XPC: variants seen among roughly 807,000 people sequenced by gnomAD.
The protein encoded by XPC is DNA repair protein complementing XP-C cells.
XPC carries 76 observed loss-of-function variants against 95.8 expected under a neutral mutation model. That is an observed-to-expected ratio of 0.79 (90% CI 0.66 to 0.96). The LOEUF (loss-of-function observed/expected upper bound fraction) is 0.96, where lower values mean the gene tolerates loss of function less well. Among genes scored for constraint, XPC ranks in the 40% least tolerant of loss-of-function variants. XPC has a pLI of 0.00. For synonymous variants in XPC, 442 were observed against 442.1 expected (o/e 1.00, Z 0.00); for missense variants, 1,146 against 1,179.8 (o/e 0.97, Z 0.42).
chr3:14,150,790 G>T (rs1307405038), intron 11 of XPC, among the ~76,000 whole-genome samples: 1 of 152,170 alleles, frequency 6.6e-6, no homozygotes, highest in African/African-American at 2.4e-5. Context: ...GGCTTAAAGG[G>T]GCAAGGGGTT....
Position 14,149,005 on chromosome 3 carries a change from G to C in XPC, c.2116-57C>G, listed in dbSNP as rs558618583. ...CAAAGGCATCCAGTTCCTCAGCACC[G>C]GGCCAGGCACCATGCTCAGTGCCGC... On this transcript the variant is annotated intron_variant, in intron 11 of 15. Transcript: ENST00000285021. 6.2e-6 allele frequency: 10 copies of C among 1,603,268 alleles called. No homozygotes were observed. In the African/African-American group the frequency reaches 1.3e-4, roughly 21 times the overall value.
chr3:14,167,862 G>A (rs1385394405), intron 4 of XPC, among the ~76,000 whole-genome samples: 1 of 152,218 alleles, frequency 6.6e-6, no homozygotes, highest in East Asian at 1.9e-4. Context: ...CCTGCAGCAT[G>A]ACATGGTGAG....
intron 7 of XPC, among the ~76,000 whole-genome samples, chr3:14,161,004 T>TGA (rs1696147305): frequency 6.6e-6 from 1 of 152,144 alleles, no homozygotes; most frequent in Non-Finnish European, 1.5e-5. Context: ...GTCACCACCT[T>TGA]TAGTAAGAAA....
chr3:14,168,480 G>A, intron 3 of XPC, 100 bp from the exon 4 acceptor site: 1 of 1,449,836 alleles, frequency 6.9e-7, no homozygotes, highest in Non-Finnish European at 9.4e-7. Context: ...AGGAAGTGAG[G>A]CATGAATGTG....
chr3:14,158,577 T>TC lies in XPC; in HGVS notation c.1305dup (p.Ser436GlufsTer2). 6.2e-7 allele frequency: 1 copy of TC among 1,613,500 alleles called. No individual in the cohort carries two copies. The highest frequency in any genetic ancestry group is 8.5e-7 in the Non-Finnish European group (1 of 1,179,856). ...TCAGAGCCGCTGCCAGCCTCATCAC[T>TC]CCCACTCTCCTCTTTATAAGACACC... On this transcript the variant is annotated frameshift_variant, in exon 9 of 16. Coordinates refer to ENST00000285021, the MANE Select transcript of XPC (RefSeq NM_004628.5). LOFTEE classifies it high-confidence loss of function. This position sits in a 1 kb window ranked among gnomAD's most constrained non-coding sequence, Gnocchi z 5.2.
chr3:14,169,233 A>T (rs1249130005), intron 3 of XPC, among the ~76,000 whole-genome samples: 2 of 152,266 alleles, frequency 1.3e-5, no homozygotes, highest in African/African-American at 4.8e-5. Context: ...ACCTGACATT[A>T]GAGGTGGCTT....
intron 5 of XPC, among the ~76,000 whole-genome samples, chr3:14,166,210 CGACT>C (rs1559380213): frequency 6.6e-6 from 1 of 152,112 alleles, no homozygotes; most frequent in Admixed American, 6.6e-5. Context: ...TCCTCCCCCC[CGACT>C]AACAGCCTCC....
At chr3:14,176,573 T>G (rs1028796751) in intron 1 of XPC, among the ~76,000 whole-genome samples, 1 of 152,248 alleles carries the variant, frequency 6.6e-6, no homozygotes, top group African/African-American at 2.4e-5. Flanking sequence ...AAGATGTTAT[T>G]TGAATGAGTA....
chr3:14,163,338 G>C (rs1184902943), intron 7 of XPC, among the ~76,000 whole-genome samples: 1 of 152,086 alleles, frequency 6.6e-6, no homozygotes, highest in Admixed American at 6.5e-5. Flanking sequence ...ACAGCCACAA[G>C]GTGGAAACTA....
chr3:14,163,592 G>A (rs970553832), intron 7 of XPC, among the ~76,000 whole-genome samples: 1 of 151,810 alleles, frequency 6.6e-6, no homozygotes, highest in Non-Finnish European at 1.5e-5. Context: ...CCACGAGCAG[G>A]GACAGGGGGG....
chr3:14,159,931 C>G, intron 7 of XPC, 101 bp from the exon 8 acceptor site: 1 of 1,180,790 alleles, frequency 8.5e-7, no homozygotes, highest in African/African-American at 1.5e-5. Context: ...CAGGGAAAAG[C>G]TGGAAACAGC....
At chr3:14,169,313 A>T (rs1217174790) in intron 3 of XPC, among the ~76,000 whole-genome samples, 1 of 151,810 alleles carries the variant, frequency 6.6e-6, no homozygotes, top group Admixed American at 6.5e-5. Flanking sequence ...AAGTTTAATC[A>T]AAATTACATG....
intron 2 of XPC, among the ~76,000 whole-genome samples, chr3:14,171,699 G>C (rs1696619392): frequency 6.6e-6 from 1 of 152,122 alleles, no homozygotes; most frequent in South Asian, 2.1e-4. Context: ...AGCTGGGCGT[G>C]GTGGTGGGCA....
Position 14,174,308 on chromosome 3 carries a change from T to C in XPC, c.104-1246A>G, listed in dbSNP as rs141243846. ...AGATTGCCTACTCCAAGGCCAGAGG[T>C]TGCATAAAGCTTAAGATTTGACAGT... On this transcript the variant is annotated intron_variant, in intron 1 of 15. Coordinates refer to ENST00000285021, the MANE Select transcript of XPC (RefSeq NM_004628.5). Among the ~76,000 whole-genome samples the C allele has an allele frequency of 2.9e-3, 437 of 148,928 alleles. 4 individuals are homozygous for C. Among genetic ancestry groups the C allele is most frequent in the African/African-American group, 0.01 (413 of 41,290 alleles).
intron 1 of XPC, 80 bp downstream of exon 1, chr3:14,178,386 T>C: frequency 1.4e-6 from 2 of 1,468,068 alleles, no homozygotes; most frequent in Non-Finnish European, 1.8e-6. Flanking sequence ...GGCCTCCGCG[T>C]CTGGACTCCC....
At position 14,145,654 on chromosome 3, in the gene XPC, C is replaced by G. The variant is rs751981130; in HGVS notation, c.*287G>C. 2.9e-6 allele frequency: 2 copies of G among 699,240 alleles called. No homozygotes were observed. Among genetic ancestry groups the G allele is most frequent in the East Asian group, 5.4e-5 (2 of 37,286 alleles). The allele number at this position is 699,240 out of a possible 1,614,324, so 43.3% of individuals were successfully genotyped here. ...ACAGGTCTAGGAGGCAGAAGAGTAT[C>G]TCCTAGCAAAGTGTTCTGTAGCTCA... On this transcript the variant is annotated 3_prime_UTR_variant, in exon 16 of 16. Transcript: ENST00000285021.
Position 14,147,941 on chromosome 3 carries a change from AT to A in XPC, c.2480del (p.Asn827MetfsTer19). On this transcript the variant is annotated frameshift_variant, in exon 14 of 16. Transcript: ENST00000285021. LOFTEE classifies it high-confidence loss of function. Reference sequence around the variant, plus strand: ...CCTTCCTTTCAATGACTGCCTGCTCATTTTCCCAGGCAGTCAGGAGCACGTC... The same window carrying A: ...CCTTCCTTTCAATGACTGCCTGCTCATTTCCCAGGCAGTCAGGAGCACGTC... ...FKDVLLTAWENEQAVIERKEK... is the reference protein window; with the variant it reads ...FKDVLLTAWEXEQAVIERKEK... 1.2e-6 allele frequency: 2 copies of A among 1,603,810 alleles called. No homozygotes were observed. The highest frequency in any genetic ancestry group is 1.1e-5 in the South Asian group (1 of 89,022).
At chr3:14,152,540 A>G in intron 10 of XPC, 124 bp from the exon 11 acceptor site, 1 of 870,280 alleles carries the variant, frequency 1.1e-6, no homozygotes, top group Non-Finnish European at 1.7e-6. Flanking sequence ...GAGCAGGCCG[A>G]GCTCCTAGGG....
intron 10 of XPC, 88 bp from the exon 11 acceptor site, chr3:14,152,504 C>G: frequency 7.5e-7 from 1 of 1,324,848 alleles, no homozygotes. Context: ...GCCCTGCAGG[C>G]TCCCTCCTCA....
Sources: gnomAD v4.1 joint callset for allele counts (sites outside exome capture counted in the v4.1 genomes callset) on GRCh38, gnomAD v4.1.1 for gene constraint, Gnocchi (gnomAD v3.1) non-coding constraint, MANE v1.5 for transcripts, NCBI Gene and HGNC (gene_info 2026-07-23, HGNC 2026-07-21) for gene names.